ARHGAP10: variants seen among roughly 807,000 people sequenced by gnomAD.
ARHGAP10 encodes the protein rho GTPase-activating protein 10.
In ARHGAP10, 87 loss-of-function variants were observed where a neutral mutation model predicts 108.6. The observed-to-expected ratio is 0.80, with a 90% CI of 0.67 to 0.96. The LOEUF (loss-of-function observed/expected upper bound fraction) is 0.96. Ranked by LOEUF, ARHGAP10 falls within the 40% of genes least tolerant of loss-of-function variation. The pLI is 0.00. For synonymous variants in ARHGAP10, 347 were observed against 341.1 expected (o/e 1.02, Z -0.19); for missense variants, 939 against 954.5 (o/e 0.98, Z 0.21).
Position 147,907,960 on chromosome 4 carries a change from A to C in ARHGAP10, c.1116+1241A>C, listed in dbSNP as rs899468283. ...TGGGTTTAAGTGATTCTCCTGCTTCAGCCTCCCAAGTAGCTGGGATTACAG... is the reference window on the plus strand; with the variant it reads ...TGGGTTTAAGTGATTCTCCTGCTTCCGCCTCCCAAGTAGCTGGGATTACAG... On this transcript the variant is annotated intron_variant, in intron 11 of 22. Coordinates refer to ENST00000336498, the MANE Select transcript of ARHGAP10 (RefSeq NM_024605.4). Among the ~76,000 whole-genome samples the C allele has an allele frequency of 9.2e-5, 14 of 152,100 alleles. 1 individual carries two copies. The highest frequency in any genetic ancestry group is 1.5e-4 in the Non-Finnish European group (10 of 68,016).
intron 20 of ARHGAP10, among the ~76,000 whole-genome samples, chr4:148,061,613 G>T (rs890505687): frequency 6.7e-6 from 1 of 149,294 alleles, no homozygotes; most frequent in African/African-American, 2.5e-5. Context: ...GAAGAATAAT[G>T]TTTTTTTTTT....
intron 10 of ARHGAP10, among the ~76,000 whole-genome samples, chr4:147,883,317 C>T (rs1735410620): frequency 6.6e-6 from 1 of 152,192 alleles, no homozygotes; most frequent in Admixed American, 6.5e-5. Flanking sequence ...CCACCTTGGC[C>T]TCCCAAAGTC....
At chr4:147,781,011 G>A (rs1730508982) in intron 1 of ARHGAP10, among the ~76,000 whole-genome samples, 1 of 152,130 alleles carries the variant, frequency 6.6e-6, no homozygotes, top group African/African-American at 2.4e-5. Flanking sequence ...GCATTTGATG[G>A]TGGGAAACTT....
At chr4:148,033,810 A>C (rs1355304266) in intron 19 of ARHGAP10, among the ~76,000 whole-genome samples, 1 of 152,218 alleles carries the variant, frequency 6.6e-6, no homozygotes, top group East Asian at 1.9e-4. Flanking sequence ...GCACTAACTG[A>C]GAATGACTGT....
chr4:148,003,529 A>G (rs1198184489), intron 18 of ARHGAP10, among the ~76,000 whole-genome samples: 4 of 152,080 alleles, frequency 2.6e-5, no homozygotes, highest in Admixed American at 6.6e-5. Context: ...GTCTCCCATT[A>G]TTATTGTGTG....
At chr4:147,865,043 T>A in intron 6 of ARHGAP10, 87 bp downstream of exon 6, 1 of 1,149,502 alleles carries the variant, frequency 8.7e-7, no homozygotes, top group Non-Finnish European at 1.3e-6. Flanking sequence ...GGTTTATAGT[T>A]ACTAGAGGCC....
intron 4 of ARHGAP10, among the ~76,000 whole-genome samples, 160 bp downstream of exon 4, chr4:147,847,382 A>G (rs1272197796): frequency 6.6e-6 from 1 of 152,272 alleles, no homozygotes; most frequent in African/African-American, 2.4e-5. Context: ...ATGGAATTGG[A>G]AACAAAACAA....
At chr4:147,990,611 C>G (rs190522134) in intron 18 of ARHGAP10, among the ~76,000 whole-genome samples, 3 of 152,232 alleles carry the variant, frequency 2.0e-5, no homozygotes, top group Non-Finnish European at 4.4e-5. Flanking sequence ...CTAAAAAGAA[C>G]AAGATCATGT....
chr4:147,977,511 ATGAT>A (rs1739639430), intron 18 of ARHGAP10, among the ~76,000 whole-genome samples: 1 of 152,208 alleles, frequency 6.6e-6, no homozygotes, highest in Admixed American at 6.5e-5. Context: ...TGATTGAAAG[ATGAT>A]TGTGTGCCAG....
chr4:147,759,565 G>A (rs1258122781), intron 1 of ARHGAP10, among the ~76,000 whole-genome samples: 2 of 140,430 alleles, frequency 1.4e-5, no homozygotes, highest in Non-Finnish European at 3.1e-5. Context: ...TGCCTGGGTA[G>A]CATAGTGATA....
At chr4:148,060,215 C>T (rs1400363576) in intron 20 of ARHGAP10, among the ~76,000 whole-genome samples, 1 of 151,984 alleles carries the variant, frequency 6.6e-6, no homozygotes, top group Non-Finnish European at 1.5e-5. Flanking sequence ...ATACTTTCCT[C>T]TACCGTTTTT....
At chr4:147,974,263 AT>A (rs1739514504) in intron 18 of ARHGAP10, among the ~76,000 whole-genome samples, 1 of 151,912 alleles carries the variant, frequency 6.6e-6, no homozygotes, top group Non-Finnish European at 1.5e-5. Flanking sequence ...TTTGCTTTTC[AT>A]TTCTCTGATG....
intron 7 of ARHGAP10, among the ~76,000 whole-genome samples, chr4:147,871,015 T>C (rs1356548666): frequency 6.6e-6 from 1 of 151,428 alleles, no homozygotes; most frequent in African/African-American, 2.4e-5. Context: ...GCTGGAGTGC[T>C]GTGGCCCAGT....
intron 18 of ARHGAP10, among the ~76,000 whole-genome samples, chr4:148,018,697 C>T (rs560848057): frequency 1.7e-4 from 26 of 152,212 alleles, no homozygotes; most frequent in African/African-American, 6.3e-4. Context: ...CCCCATTTTA[C>T]TCTTTCTAAA....
rs150578732 is a variant in ARHGAP10 at position 148,070,281 on chromosome 4, C to T, written c.2273-1712C>T. Among the ~76,000 whole-genome samples, 263 of 152,304 alleles carry T rather than the reference C, an allele frequency of 1.7e-3. 1 individual carries two copies. Among genetic ancestry groups the T allele is most frequent in the African/African-American group, 6.2e-3 (257 of 41,556 alleles). ...TGGAAGTGGGGGGATGCTGAAGCTG[C>T]TCTTTGAAGCATGAGTAGGTGCTGT... is the stretch of plus-strand genomic sequence containing the variant. On this transcript the variant is annotated intron_variant, in intron 22 of 22. Coordinates refer to ENST00000336498, the MANE Select transcript of ARHGAP10 (RefSeq NM_024605.4).
chr4:147,927,044 C>A (rs936162140), intron 13 of ARHGAP10, among the ~76,000 whole-genome samples: 2 of 152,182 alleles, frequency 1.3e-5, no homozygotes, highest in Non-Finnish European at 2.9e-5. Context: ...GAGCAGTATA[C>A]TACAACTTGC....
At chr4:147,733,602 T>C (rs1560729856) in intron 1 of ARHGAP10, among the ~76,000 whole-genome samples, 1 of 152,184 alleles carries the variant, frequency 6.6e-6, no homozygotes, top group East Asian at 1.9e-4. Flanking sequence ...ATCCCCCATC[T>C]CACTGTTCTC....
At chr4:147,776,855 G>A (rs889448966) in intron 1 of ARHGAP10, among the ~76,000 whole-genome samples, 5 of 152,228 alleles carry the variant, frequency 3.3e-5, no homozygotes, top group Non-Finnish European at 7.3e-5. Context: ...AGTTCGTCCA[G>A]ATGCTGTGAA....
chr4:147,854,126 G>C (rs970920329), intron 4 of ARHGAP10, among the ~76,000 whole-genome samples: 1 of 152,036 alleles, frequency 6.6e-6, no homozygotes, highest in East Asian at 1.9e-4. Context: ...CTAAGTAGTA[G>C]CTCTACTTTT....
Sources: gnomAD v4.1 joint callset for allele counts (sites outside exome capture counted in the v4.1 genomes callset) on GRCh38, gnomAD v4.1.1 for gene constraint, MANE v1.5 for transcripts, NCBI Gene and HGNC (gene_info 2026-07-23, HGNC 2026-07-21) for gene names.